Variants in RIMOC1 observed in about 807,000 individuals in gnomAD.
RIMOC1 encodes RAB7A interacting MON1-CCZ1 complex subunit 1.
chr5:41,911,465 C>G, the RIMOC1 span: 2 of 180,134 alleles, frequency 1.1e-5, no homozygotes, highest in Non-Finnish European at 2.3e-5. Flanking sequence ...AAATTTTTGT[C>G]CTGAAAGAAA....
At chr5:41,909,937 C>T in the RIMOC1 span, 3 of 1,427,022 alleles carry the variant, frequency 2.1e-6, no homozygotes, top group African/African-American at 3.0e-5. Context: ...ATTGCTGGTA[C>T]TTGCTGTCCT....
the RIMOC1 span, among the ~76,000 whole-genome samples, chr5:41,912,915 G>T: frequency 6.6e-6 from 1 of 152,192 alleles, no homozygotes. Flanking sequence ...GCACAGTAAA[G>T]GTCCAGAGCT....
the RIMOC1 span, among the ~76,000 whole-genome samples, chr5:41,909,195 G>A: frequency 3.9e-5 from 6 of 152,048 alleles, no homozygotes; most frequent in African/African-American, 1.4e-4. Context: ...AAAGGATTGG[G>A]GAGTTTTAAT....
At chr5:41,913,278 T>C in the RIMOC1 span, among the ~76,000 whole-genome samples, 1 of 152,220 alleles carries the variant, frequency 6.6e-6, no homozygotes, top group Non-Finnish European at 1.5e-5. Flanking sequence ...CTGGGAAGTA[T>C]AGTCCTTAAC....
the RIMOC1 span, among the ~76,000 whole-genome samples, chr5:41,916,038 G>A: frequency 5.3e-5 from 8 of 152,294 alleles, 1 homozygote; most frequent in Admixed American, 5.2e-4. Context: ...AATCATATTA[G>A]GTGAACAACA....
the RIMOC1 span, chr5:41,911,104 C>A: frequency 6.2e-7 from 1 of 1,609,546 alleles, no homozygotes. Flanking sequence ...GACGAGGAGC[C>A]CTGCTGTATA....
chr5:41,904,548 C>A, the RIMOC1 span: 1 of 1,341,500 alleles, frequency 7.5e-7, no homozygotes, highest in African/African-American at 1.4e-5. Flanking sequence ...GGGCTAGAGG[C>A]TGAGGCCTGT....
the RIMOC1 span, chr5:41,904,384 C>T: frequency 1.3e-4 from 204 of 1,613,802 alleles, no homozygotes; most frequent in African/African-American, 2.4e-3. Context: ...GCCGCAGTCT[C>T]TAGTGTGGTG....
the RIMOC1 span, chr5:41,904,441 A>C: frequency 6.2e-7 from 1 of 1,614,084 alleles, no homozygotes; most frequent in Admixed American, 1.7e-5. Flanking sequence ...CACATACAGC[A>C]ACTTAGCGAA....
At chr5:41,920,516 G>C in the RIMOC1 span, 1 of 152,080 alleles carries the variant, frequency 6.6e-6, no homozygotes, top group Non-Finnish European at 1.5e-5. Flanking sequence ...TTATATTCTA[G>C]TGGAGGAAGT....
the RIMOC1 span, chr5:41,918,139 C>T: frequency 1.0e-6 from 1 of 985,700 alleles, no homozygotes; most frequent in Non-Finnish European, 1.2e-6. Context: ...TCTACCTCAA[C>T]TCCTGTTGTC....
the RIMOC1 span, chr5:41,920,586 A>T: frequency 1.3e-5 from 2 of 152,140 alleles, no homozygotes; most frequent in Non-Finnish European, 2.9e-5. Flanking sequence ...TACCATGAAG[A>T]AGAATAAATG....
the RIMOC1 span, among the ~76,000 whole-genome samples, chr5:41,908,132 A>G: frequency 4.6e-5 from 7 of 152,072 alleles, no homozygotes; most frequent in East Asian, 1.4e-3. Context: ...GCAATGTCCA[A>G]TCTCTTGAAA....
chr5:41,915,218 A>G, the RIMOC1 span, among the ~76,000 whole-genome samples: 1 of 152,222 alleles, frequency 6.6e-6, no homozygotes, highest in Non-Finnish European at 1.5e-5. Flanking sequence ...GGTTATAAAA[A>G]TTGCATTGTC....
the RIMOC1 span, among the ~76,000 whole-genome samples, chr5:41,909,492 C>G: frequency 6.6e-6 from 1 of 151,998 alleles, no homozygotes; most frequent in South Asian, 2.1e-4. Flanking sequence ...AAACAAAGCT[C>G]TATTTTCTTT....
At chr5:41,905,494 T>TC in the RIMOC1 span, among the ~76,000 whole-genome samples, 1 of 152,226 alleles carries the variant, frequency 6.6e-6, no homozygotes, top group Non-Finnish European at 1.5e-5. Context: ...GGTCCTGAAC[T>TC]CCTGGGCTCA....
At chr5:41,916,788 G>A in the RIMOC1 span, among the ~76,000 whole-genome samples, 1 of 151,980 alleles carries the variant, frequency 6.6e-6, no homozygotes, top group African/African-American at 2.4e-5. Flanking sequence ...AAATTCTCTG[G>A]TACTCTGTTT....
the RIMOC1 span, among the ~76,000 whole-genome samples, chr5:41,915,573 C>A: frequency 2.0e-5 from 3 of 152,112 alleles, no homozygotes; most frequent in African/African-American, 7.2e-5. Flanking sequence ...TGCTGGGAGG[C>A]CTCATAATCA....
At chr5:41,916,990 T>C in the RIMOC1 span, 2 of 1,547,238 alleles carry the variant, frequency 1.3e-6, no homozygotes, top group African/African-American at 2.7e-5. Flanking sequence ...TTAATTCTAA[T>C]CTGTCAACCT....
Sources: gnomAD v4.1 joint callset for allele counts (sites outside exome capture counted in the v4.1 genomes callset) on GRCh38, gnomAD v4.1.1 for gene constraint, MANE v1.5 for transcripts, NCBI Gene and HGNC (gene_info 2026-07-23, HGNC 2026-07-21) for gene names.